The following BRAT1 variants were observed in gnomAD, a reference collection of about 807,000 sequenced individuals.
BRAT1 encodes the protein BRCA1 associated ATM activator 1, also known as integrator complex assembly factor BRAT1.
A neutral mutation model predicts 70.6 loss-of-function variants in BRAT1; 74 were observed. The observed-to-expected ratio is 1.05, with a 90% CI of 0.87 to 1.27. BRAT1 has a LOEUF of 1.27. BRAT1 is among the 50% of genes most tolerant of loss of function. The pLI is 0.00. For synonymous variants in BRAT1, 615 were observed against 517.1 expected, an observed-to-expected ratio of 1.19 and a Z score of -2.57; for missense variants, 1,203 against 1,098.2, an observed-to-expected ratio of 1.10 and a Z score of -1.35.
At chr7:2,542,919 G>GATCTACACTCCAA in intron 6 of BRAT1, 1 of 230,934 alleles carries the variant, frequency 4.3e-6, no homozygotes, top group Non-Finnish European at 8.5e-6. Flanking sequence ...GGGCAGCGGA[G>GATCTACACTCCAA]CGCAGGGCGT....
intron 3 of BRAT1, among the ~76,000 whole-genome samples, chr7:2,545,615 G>C (rs965882339): frequency 6.6e-6 from 1 of 150,952 alleles, no homozygotes. Flanking sequence ...TCAGCCTCCT[G>C]AGTAGCTGGC....
Position 2,547,318 on chromosome 7 carries a change from G to A in BRAT1, c.282+6C>T. On this transcript the variant is annotated splice_donor_region_variant and intron_variant, in intron 3 of 13. Coordinates refer to ENST00000340611, the MANE Select transcript of BRAT1 (RefSeq NM_152743.4). ...GGGACACTCAGGTGGGAGGCCCCAGGCTCACCTGAAGATACTGGAAGCAGT... is the reference window on the plus strand; with the variant it reads ...GGGACACTCAGGTGGGAGGCCCCAGACTCACCTGAAGATACTGGAAGCAGT... 1 of 1,613,948 alleles carries A rather than the reference G, an allele frequency of 6.2e-7. No individual in the cohort carries two copies.
intron 8 of BRAT1, 90 bp downstream of exon 8, chr7:2,541,628 G>A (rs1478178926): frequency 1.4e-6 from 2 of 1,469,204 alleles, no homozygotes; most frequent in Non-Finnish European, 1.8e-6. Flanking sequence ...GGGTGCTGGG[G>A]CAGCAAGGGG....
chr7:2,543,175 C>A lies in BRAT1; in HGVS notation c.923+29G>T. ...GCCTGCCCCAGCTCCCAGCACCCGC[C>A]TCGGAATGAAATGCACCCCAGACCA... On this transcript the variant is annotated intron_variant, in intron 6 of 13. Transcript: ENST00000340611. The surrounding 1 kb of genome is among the most constrained non-coding windows in gnomAD (Gnocchi z 5.5). 1 of 1,535,472 alleles carries A rather than the reference C, an allele frequency of 6.5e-7. No individual in the cohort carries two copies. Among genetic ancestry groups the A allele is most frequent in the African/African-American group, 1.4e-5 (1 of 71,554 alleles).
intron 2 of BRAT1, among the ~76,000 whole-genome samples, chr7:2,552,447 A>C (rs1264429149): frequency 6.6e-6 from 1 of 151,584 alleles, no homozygotes; most frequent in Non-Finnish European, 1.5e-5. Flanking sequence ...AACAAGGAAG[A>C]CCTAGATATT....
intron 2 of BRAT1, among the ~76,000 whole-genome samples, chr7:2,550,304 A>C (rs1442688516): frequency 6.6e-6 from 1 of 151,666 alleles, no homozygotes; most frequent in Non-Finnish European, 1.5e-5. Flanking sequence ...CCGTCACTAC[A>C]AAAAATACAA....
chr7:2,542,908 AGGGCAGCGGAGCGC>A, intron 6 of BRAT1: 3 of 215,764 alleles, frequency 1.4e-5, no homozygotes, highest in Non-Finnish European at 2.8e-5. Flanking sequence ...GACAGGTGGG[AGGGCAGCGGAGCGC>A]AGGGCGTCGG....
rs77887835 is a variant in BRAT1 at position 2,543,562 on chromosome 7, C to A, written c.803+28G>T. 6.0e-6 allele frequency: 9 copies of A among 1,501,592 alleles called. No individual in the cohort carries two copies. Among genetic ancestry groups the A allele is most frequent in the Non-Finnish European group, 8.0e-6 (9 of 1,125,114 alleles). 93.0% of individuals were successfully genotyped at this position (1,501,592 alleles called of 1,614,324 possible). A position where few individuals can be genotyped will look rare whatever the true frequency, so the allele number is the denominator to read the frequency against. On this transcript the variant is annotated intron_variant, in intron 5 of 13. Coordinates refer to ENST00000340611, the MANE Select transcript of BRAT1 (RefSeq NM_152743.4). The surrounding 1 kb of genome is among the most constrained non-coding windows in gnomAD (Gnocchi z 5.5). ...CGAGGAAAACAGTTGCCCACCCAGG[C>A]CCCCCAGCTGCGTCCCGGGGCCCTG...
chr7:2,542,424 G>A, intron 6 of BRAT1: 1 of 593,540 alleles, frequency 1.7e-6, no homozygotes, highest in African/African-American at 1.9e-5. Context: ...CACTCCTGAT[G>A]TCCTTAGGAG....
intron 3 of BRAT1, among the ~76,000 whole-genome samples, chr7:2,546,926 C>T (rs879899474): frequency 6.6e-6 from 1 of 152,018 alleles, no homozygotes; most frequent in Non-Finnish European, 1.5e-5. Context: ...TGTCTCCGTC[C>T]CAGGAAGAGA....
intron 2 of BRAT1, 98 bp downstream of exon 2, chr7:2,554,207 C>T (rs1780242145): frequency 6.7e-7 from 1 of 1,489,748 alleles, no homozygotes; most frequent in Non-Finnish European, 9.1e-7. Context: ...TCTGCCCTTC[C>T]TCCAGGACAG....
chr7:2,544,055 AG>A (rs1490747794), intron 4 of BRAT1, 93 bp from the exon 5 acceptor site: 1 of 1,009,806 alleles, frequency 9.9e-7, no homozygotes, highest in African/African-American at 1.8e-5. Flanking sequence ...CAAATAGCAG[AG>A]GGCCCCCCAA....
In BRAT1 at chr7:2,543,002, G is replaced by A. The variant is rs1779298908; in HGVS notation, c.923+202C>T. ...ACCTCTGGGGATCTCGCAGAGCTTT[G>A]GTCTGAAACAATTATTCTGTTGCTA... On this transcript the variant is annotated intron_variant, in intron 6 of 13. Coordinates refer to ENST00000340611, the MANE Select transcript of BRAT1 (RefSeq NM_152743.4). This position sits in a 1 kb window ranked among gnomAD's most constrained non-coding sequence, Gnocchi z 5.5. 1.9e-6 allele frequency: 1 copy of A among 520,768 alleles called. No homozygotes were observed. The highest frequency in any genetic ancestry group is 2.0e-5 in the African/African-American group (1 of 50,334). The allele number at this position is 520,768 out of a possible 1,614,324, so 32.3% of individuals were successfully genotyped here.
Position 2,538,707 on chromosome 7 carries a change from G to C in BRAT1, c.1828C>G (p.Arg610Gly). 1.9e-6 allele frequency: 3 copies of C among 1,598,424 alleles called. No individual in the cohort carries two copies. Among genetic ancestry groups the C allele is most frequent in the Non-Finnish European group, 2.5e-6 (3 of 1,179,850 alleles). Residue 610 changes from arginine (R) to glycine (G), a missense_variant, in exon 14 of 14, where the codon CGG becomes GGG. Physicochemically the swap from Arg to Gly is moderately radical, Grantham distance 125. Transcript: ENST00000340611. ...TCAGTGAAGACTTGCATGACCGCCC[G>C]CCGTGGGAAGCCCTCCGAGTCTACG... ...LSVDSEGFPRRAVMQVFTEWL... is the reference protein window; with the variant it reads ...LSVDSEGFPRGAVMQVFTEWL...
intron 10 of BRAT1, chr7:2,540,176 G>A (rs556218121): frequency 4.3e-5 from 16 of 374,460 alleles, no homozygotes; most frequent in Admixed American, 1.3e-4. Flanking sequence ...ACATCACCAC[G>A]CCTGGCTAAT....
In BRAT1 at chr7:2,538,467, C is replaced by A; in HGVS notation, c.2068G>T (p.Glu690Ter). The A allele has an allele frequency of 6.2e-7, 1 of 1,612,740 alleles. No homozygotes were observed. The highest frequency in any genetic ancestry group is 1.1e-5 in the South Asian group (1 of 91,084). Residue 690 changes from glutamate to a stop codon, truncating the protein, a stop_gained, in exon 14 of 14, where the codon GAG becomes TAG. Transcript: ENST00000340611. LOFTEE classifies it low-confidence loss of function (END_TRUNC). ...ACGTGGCAGAGAGCCCTCAGTGCCT[C>A]GGTGAGTGGCTGGGCTGGGGCCACC... ...PEVAPAQPLTEALRALCHVGL... is the reference protein window; with the variant it reads ...PEVAPAQPLT
Position 2,543,832 on chromosome 7 carries a change from C to CG in BRAT1, c.560dup (p.Asp190Ter), listed in dbSNP as rs1562579843. 6.2e-7 allele frequency: 1 copy of CG among 1,612,952 alleles called. No individual in the cohort carries two copies. Among genetic ancestry groups the CG allele is most frequent in the Admixed American group, 1.7e-5 (1 of 60,008 alleles). On this transcript the variant is annotated frameshift_variant, in exon 5 of 14. Transcript: ENST00000340611. LOFTEE classifies it high-confidence loss of function. The surrounding 1 kb of genome is among the most constrained non-coding windows in gnomAD (Gnocchi z 5.5). ...GGGCACACGCGGGCCAGTCACCCCCCGGCAGGCAGGGCTGCCCCTCGGCTC... is the reference window on the plus strand; with the variant it reads ...GGGCACACGCGGGCCAGTCACCCCCCGGGCAGGCAGGGCTGCCCCTCGGCTC...
intron 6 of BRAT1, chr7:2,542,904 TGG>T: frequency 1.4e-5 from 3 of 209,420 alleles, no homozygotes; most frequent in Non-Finnish European, 2.9e-5. Flanking sequence ...GGGGGACAGG[TGG>T]GAGGGCAGCG....
At chr7:2,542,476 A>T (rs1779252264) in intron 6 of BRAT1, 3 of 532,416 alleles carry the variant, frequency 5.6e-6, no homozygotes, top group Non-Finnish European at 1.0e-5. Context: ...CCATGCACCC[A>T]GAGAGAGGGG....
Sources: allele counts gnomAD v4.1 joint callset (sites outside exome capture counted in the v4.1 genomes callset), GRCh38; gene constraint gnomAD v4.1.1; non-coding constraint Gnocchi (gnomAD v3.1); transcripts MANE v1.5; gene names NCBI Gene and HGNC (gene_info 2026-07-23, HGNC 2026-07-21).